The following DACH1 variants were observed in gnomAD, a reference collection of about 807,000 sequenced individuals.
DACH1 encodes the protein dachshund homolog 1.
A neutral mutation model predicts 54.2 loss-of-function variants in DACH1; 12 were observed. The observed-to-expected ratio is 0.22, with a 90% confidence interval of 0.14 to 0.36. The LOEUF (loss-of-function observed/expected upper bound fraction) is 0.36, where lower values mean the gene tolerates loss of function less well. Ranked by LOEUF, DACH1 falls within the 10% of genes least tolerant of loss-of-function variation. DACH1 has a pLI of 1.00. For missense variants in DACH1, 805 were observed against 929.8 expected (o/e 0.87, Z 1.75); for synonymous variants, 386 against 366.2 (o/e 1.05, Z -0.62).
chr13:71,564,487 A>G (rs936989851), intron 4 of DACH1, among the ~76,000 whole-genome samples: 5 of 151,592 alleles, frequency 3.3e-5, no homozygotes, highest in African/African-American at 1.2e-4. Flanking sequence ...AAAAAAAAAA[A>G]GGTCATACTA....
At chr13:71,573,304 A>G in intron 3 of DACH1, 1 of 628,984 alleles carries the variant, frequency 1.6e-6, no homozygotes, top group Non-Finnish European at 2.8e-6. Flanking sequence ...TCTTTAACTT[A>G]TCCCAATTAG....
At chr13:71,702,791 G>C (rs1263069947) in intron 1 of DACH1, among the ~76,000 whole-genome samples, 3 of 151,970 alleles carry the variant, frequency 2.0e-5, no homozygotes, top group Non-Finnish European at 4.4e-5. Flanking sequence ...GAAAAAAATA[G>C]ATCTCTTCTA....
At chr13:71,819,279 C>A (rs954991503) in intron 1 of DACH1, among the ~76,000 whole-genome samples, 2 of 152,190 alleles carry the variant, frequency 1.3e-5, no homozygotes, top group African/African-American at 4.8e-5. Context: ...TCCTGATATC[C>A]AGCTGGCACT....
intron 2 of DACH1, among the ~76,000 whole-genome samples, chr13:71,679,934 T>C (rs1594089493): frequency 1.6e-5 from 2 of 126,472 alleles, no homozygotes; most frequent in Non-Finnish European, 1.6e-5. Context: ...AGAGCGAGAC[T>C]CCGTCTCAAA....
intron 1 of DACH1, among the ~76,000 whole-genome samples, chr13:71,837,324 T>A (rs929439228): frequency 6.6e-6 from 1 of 152,144 alleles, no homozygotes; most frequent in Non-Finnish European, 1.5e-5. Context: ...CCAACTTCAA[T>A]GGTAGATAAA....
At chr13:71,638,931 T>C (rs945039326) in intron 2 of DACH1, among the ~76,000 whole-genome samples, 18 of 152,118 alleles carry the variant, frequency 1.2e-4, no homozygotes, top group Non-Finnish European at 2.6e-4. Context: ...TCAAAAAGCA[T>C]AGTTCAATTC....
At chr13:71,617,039 G>T (rs148180514) in intron 3 of DACH1, among the ~76,000 whole-genome samples, 1 of 151,766 alleles carries the variant, frequency 6.6e-6, no homozygotes, top group Non-Finnish European at 1.5e-5. Context: ...CCACCATCAC[G>T]CCCGGCTTTA....
At chr13:71,813,157 GAGA>G (rs768895636) in intron 1 of DACH1, among the ~76,000 whole-genome samples, 6 of 152,198 alleles carry the variant, frequency 3.9e-5, no homozygotes, top group Admixed American at 2.6e-4. Context: ...TTCTTTCACA[GAGA>G]AGAAGAGATT....
chr13:71,713,763 T>TA (rs1373334139), intron 1 of DACH1, among the ~76,000 whole-genome samples: 21 of 152,230 alleles, frequency 1.4e-4, no homozygotes, highest in African/African-American at 4.6e-4. Context: ...ATAAAAGGTG[T>TA]ATTAGATTTT....
At chr13:71,470,067 C>T (rs1876934460) in intron 10 of DACH1, among the ~76,000 whole-genome samples, 1 of 152,122 alleles carries the variant, frequency 6.6e-6, no homozygotes, top group Non-Finnish European at 1.5e-5. Context: ...TTTTAAAAAA[C>T]TTGTTTTTAC....
chr13:71,495,529 C>A (rs1455553875), intron 6 of DACH1, among the ~76,000 whole-genome samples: 1 of 151,930 alleles, frequency 6.6e-6, no homozygotes, highest in Non-Finnish European at 1.5e-5. Context: ...AAAATTATTT[C>A]CAGACATAAA....
intron 6 of DACH1, among the ~76,000 whole-genome samples, chr13:71,515,824 C>G (rs940551590): frequency 2.0e-5 from 3 of 151,864 alleles, no homozygotes; most frequent in Admixed American, 6.6e-5. Flanking sequence ...TTCAGGAGCA[C>G]ACTTGCCATC....
At chr13:71,751,738 AG>A (rs560379760) in intron 1 of DACH1, among the ~76,000 whole-genome samples, 409 of 152,326 alleles carry the variant, frequency 2.7e-3, no homozygotes, top group Admixed American at 4.3e-3. Context: ...ACAAAATATT[AG>A]ATTGTATGGT....
At chr13:71,547,144 T>G (rs537940734) in intron 6 of DACH1, among the ~76,000 whole-genome samples, 4 of 152,062 alleles carry the variant, frequency 2.6e-5, no homozygotes, top group Non-Finnish European at 5.9e-5. Context: ...CTGAGGTTAT[T>G]ATGAAAATTA....
intron 1 of DACH1, among the ~76,000 whole-genome samples, chr13:71,756,683 G>T (rs1232141814): frequency 4.0e-5 from 6 of 151,772 alleles, no homozygotes; most frequent in Admixed American, 3.9e-4. Flanking sequence ...GATATAAAAT[G>T]GTATAATTAT....
intron 2 of DACH1, among the ~76,000 whole-genome samples, chr13:71,652,660 T>G (rs1422029338): frequency 6.6e-6 from 1 of 152,142 alleles, no homozygotes; most frequent in Non-Finnish European, 1.5e-5. Flanking sequence ...GAAGCAGAGT[T>G]GATTATGTCT....
intron 3 of DACH1, among the ~76,000 whole-genome samples, chr13:71,608,382 G>C (rs1875047513): frequency 1.3e-5 from 2 of 151,892 alleles, no homozygotes; most frequent in African/African-American, 2.4e-5. Flanking sequence ...GAATATGTTG[G>C]TTTGTTAAGA....
chr13:71,604,237 C>T (rs572117120), intron 3 of DACH1, among the ~76,000 whole-genome samples: 1 of 152,024 alleles, frequency 6.6e-6, no homozygotes, highest in Non-Finnish European at 1.5e-5. Flanking sequence ...TTATCTCATA[C>T]TTTAAAATGT....
At chr13:71,857,543 A>C (rs899974248) in intron 1 of DACH1, among the ~76,000 whole-genome samples, 2 of 151,760 alleles carry the variant, frequency 1.3e-5, no homozygotes, top group Non-Finnish European at 3.0e-5. Context: ...ACAATTATTT[A>C]AAGCATAGAG....
Sources: gnomAD v4.1 joint callset for allele counts (sites outside exome capture counted in the v4.1 genomes callset) on GRCh38, gnomAD v4.1.1 for gene constraint, MANE v1.5 for transcripts, NCBI Gene and HGNC (gene_info 2026-07-23, HGNC 2026-07-21) for gene names.